The following MFHAS1 variants were observed in gnomAD, a reference collection of about 807,000 sequenced individuals.
MFHAS1 encodes multifunctional ROCO family signaling regulator 1.
Under a neutral mutation model 70.4 loss-of-function variants are expected in MFHAS1, and 50 were observed. The ratio of observed to expected loss-of-function variants is 0.71; its 90% CI spans 0.57 to 0.90. MFHAS1 has a LOEUF of 0.90. Among genes scored for constraint, MFHAS1 ranks in the 40% least tolerant of loss-of-function variants. MFHAS1 has a pLI of 0.00. For synonymous variants in MFHAS1, 952 were observed against 620.0 expected (o/e 1.54, Z -7.96); for missense variants, 1,795 against 1,347.6 (o/e 1.33, Z -5.20).
intron 1 of MFHAS1, among the ~76,000 whole-genome samples, chr8:8,818,212 C>G (rs1184526782): frequency 7.8e-6 from 1 of 128,582 alleles, no homozygotes; most frequent in Non-Finnish European, 1.9e-5. Context: ...AGAAGAGTTT[C>G]TGGAACACAG....
chr8:8,854,562 C>G (rs1005826376), intron 1 of MFHAS1, among the ~76,000 whole-genome samples: 6 of 150,656 alleles, frequency 4.0e-5, no homozygotes, highest in Admixed American at 1.3e-4. Context: ...GTGCATGCCT[C>G]TAGTCCCAGC....
intron 1 of MFHAS1, among the ~76,000 whole-genome samples, chr8:8,888,517 A>AACACAC (rs113065905): frequency 8.6e-5 from 13 of 150,560 alleles, no homozygotes; most frequent in African/African-American, 1.7e-4. Flanking sequence ...CAAAAAACAA[A>AACACAC]ACACACACAC....
At chr8:8,804,461 T>C (rs1418860649) in intron 1 of MFHAS1, among the ~76,000 whole-genome samples, 1 of 152,230 alleles carries the variant, frequency 6.6e-6, no homozygotes, top group Non-Finnish European at 1.5e-5. Flanking sequence ...TCTTGAAGCT[T>C]TGGAAACCAT....
At chr8:8,804,828 C>G (rs1806233843) in intron 1 of MFHAS1, among the ~76,000 whole-genome samples, 4 of 152,240 alleles carry the variant, frequency 2.6e-5, no homozygotes, top group Admixed American at 2.6e-4. Context: ...TTTCAGTTTT[C>G]CTTTCATGGC....
At position 8,891,220 on chromosome 8, in the gene MFHAS1, C is replaced by A; in HGVS notation, c.1839G>T (p.Leu613=). ...AGAGGATCTGCAGCCGGTGGTTGAGCAGGTATTGAAAATGGGCCTTGCGCC... is the reference window on the plus strand; with the variant it reads ...AGAGGATCTGCAGCCGGTGGTTGAGAAGGTATTGAAAATGGGCCTTGCGCC... ...LRRRKAHFQY[L]LNHRLQILSP... Residue 613 remains leucine, a synonymous_variant, in exon 1 of 3, where the codon CTG becomes CTT. Transcript: ENST00000276282. This position sits in a 1 kb window ranked among gnomAD's most constrained non-coding sequence, Gnocchi z 5.4. 7.4e-6 allele frequency: 12 copies of A among 1,612,604 alleles called. No homozygotes were observed. The highest frequency in any genetic ancestry group is 8.5e-6 in the Non-Finnish European group (10 of 1,180,026).
chr8:8,889,644 T>C (rs1809910533), intron 1 of MFHAS1, among the ~76,000 whole-genome samples: 1 of 152,214 alleles, frequency 6.6e-6, no homozygotes, highest in Non-Finnish European at 1.5e-5. Context: ...CACTGGACAC[T>C]TGAAACTCAA....
intron 1 of MFHAS1, among the ~76,000 whole-genome samples, chr8:8,801,783 T>C (rs1405116367): frequency 6.6e-6 from 1 of 152,104 alleles, no homozygotes; most frequent in Non-Finnish European, 1.5e-5. Context: ...GCCTCCACCA[T>C]GGAGGATCCC....
chr8:8,829,090 C>G (rs1202497223), intron 1 of MFHAS1, among the ~76,000 whole-genome samples: 1 of 152,216 alleles, frequency 6.6e-6, no homozygotes, highest in Non-Finnish European at 1.5e-5. Flanking sequence ...CCCCTGCCCA[C>G]TTTCCCAGCT....
intron 1 of MFHAS1, among the ~76,000 whole-genome samples, chr8:8,840,865 C>T (rs770854189): frequency 6.6e-6 from 1 of 152,136 alleles, no homozygotes; most frequent in Non-Finnish European, 1.5e-5. Context: ...TTTTAAAGTA[C>T]TACAGGATTC....
intron 1 of MFHAS1, among the ~76,000 whole-genome samples, chr8:8,869,955 C>G (rs562782644): frequency 4.6e-5 from 7 of 152,234 alleles, no homozygotes; most frequent in Non-Finnish European, 8.8e-5. Flanking sequence ...CCTCTGACTC[C>G]ATTCTTACTC....
At chr8:8,864,451 AT>A (rs1394445009) in intron 1 of MFHAS1, among the ~76,000 whole-genome samples, 3 of 152,200 alleles carry the variant, frequency 2.0e-5, no homozygotes, top group African/African-American at 4.8e-5. Context: ...AAGTAAAAAT[AT>A]TTTTAATGTT....
At chr8:8,837,357 G>A (rs2116846394) in intron 1 of MFHAS1, among the ~76,000 whole-genome samples, 1 of 152,310 alleles carries the variant, frequency 6.6e-6, no homozygotes, top group South Asian at 2.1e-4. Flanking sequence ...ATAAGAAGAT[G>A]CTTGGCCAGG....
chr8:8,820,073 C>A (rs547209436), intron 1 of MFHAS1, among the ~76,000 whole-genome samples: 1 of 152,200 alleles, frequency 6.6e-6, no homozygotes, highest in African/African-American at 2.4e-5. Context: ...TCTGATTTTT[C>A]CCCCAGAACA....
At chr8:8,790,047 T>C (rs1344908868) in intron 2 of MFHAS1, among the ~76,000 whole-genome samples, 1 of 152,194 alleles carries the variant, frequency 6.6e-6, no homozygotes, top group East Asian at 1.9e-4. Flanking sequence ...TATTTCTGCA[T>C]AATATTAACA....
rs775927622 is a variant in MFHAS1 at position 8,890,849 on chromosome 8, A to G, written c.2210T>C (p.Leu737Pro). 1 of 1,614,188 alleles carries G rather than the reference A, an allele frequency of 6.2e-7. No homozygotes were observed. Among genetic ancestry groups the G allele is most frequent in the South Asian group, 1.1e-5 (1 of 91,082 alleles). The change falls in exon 1 of 3, where the codon CTC (leucine) becomes CCC (proline). Residue 737 changes from leucine (L) to proline (P), a missense_variant. Coordinates refer to ENST00000276282, the MANE Select transcript of MFHAS1 (RefSeq NM_004225.3). ...FHNLTRLIDI[L>P]NVFFQRDPSL... ...GGGATCCCTCTGGAAGAAGACATTG[A>G]GGATGTCGATGAGGCGGGTGAGGTT...
chr8:8,796,688 C>CAAAAAAAAAAAAAAAAA (rs55756300), intron 2 of MFHAS1, among the ~76,000 whole-genome samples: 1 of 24,774 alleles, frequency 4.0e-5, no homozygotes, highest in African/African-American at 1.7e-4. Context: ...CGTCTCAAAA[C>CAAAAAAAAAAAAAAAAA]AAAAAAAAAA....
At position 8,891,234 on chromosome 8, in the gene MFHAS1, G is replaced by A. The variant is rs967374722; in HGVS notation, c.1825C>T (p.His609Tyr). ...SDKNLRRRKA[H>Y]FQYLLNHRLQ... Reference sequence around the variant, plus strand: ...CGGTGGTTGAGCAGGTATTGAAAATGGGCCTTGCGCCGTCGAAGGTTCTTG... The same window carrying A: ...CGGTGGTTGAGCAGGTATTGAAAATAGGCCTTGCGCCGTCGAAGGTTCTTG... Residue 609 changes from histidine to tyrosine, a missense_variant, in exon 1 of 3, where the codon CAT becomes TAT. His to Tyr is a moderately conservative substitution (Grantham distance 83, BLOSUM62 2). Coordinates refer to ENST00000276282, the MANE Select transcript of MFHAS1 (RefSeq NM_004225.3). This position sits in a 1 kb window ranked among gnomAD's most constrained non-coding sequence, Gnocchi z 5.4. 1 of 1,612,450 alleles carries A rather than the reference G, an allele frequency of 6.2e-7. No homozygotes were observed. The highest frequency in any genetic ancestry group is 8.5e-7 in the Non-Finnish European group (1 of 1,180,030).
In MFHAS1 at chr8:8,892,339, G is replaced by A; in HGVS notation, c.720C>T (p.Gly240=). ...GCTCGCAGAAGCCGGCGGGCAGCGT[G>A]CCAAGCTCGGCCCCACTCAGCCAGA... ...KILWLSGAEL[G]TLPAGFCELA... The change falls in exon 1 of 3, where the codon GGC becomes GGT. Residue 240 remains glycine (G), a synonymous_variant. Transcript: ENST00000276282. The surrounding 1 kb of genome is among the most constrained non-coding windows in gnomAD (Gnocchi z 4.7). The A allele has an allele frequency of 6.2e-7, 1 of 1,612,024 alleles. No homozygotes were observed. The highest frequency in any genetic ancestry group is 1.3e-5 in the African/African-American group (1 of 75,048).
intron 1 of MFHAS1, among the ~76,000 whole-genome samples, chr8:8,799,916 C>CAA (rs1806028769): frequency 6.6e-6 from 1 of 152,294 alleles, no homozygotes; most frequent in African/African-American, 2.4e-5. Flanking sequence ...CCTCATTTTA[C>CAA]AAATGAGGAT....
Sources: allele counts gnomAD v4.1 joint callset (sites outside exome capture counted in the v4.1 genomes callset), GRCh38; gene constraint gnomAD v4.1.1; non-coding constraint Gnocchi (gnomAD v3.1); transcripts MANE v1.5; gene names NCBI Gene and HGNC (gene_info 2026-07-23, HGNC 2026-07-21).